The following MPHOSPH9 variants were observed in gnomAD, a reference collection of about 807,000 sequenced individuals.
The protein encoded by MPHOSPH9 is M-phase phosphoprotein 9.
Under a neutral mutation model 145.5 loss-of-function variants are expected in MPHOSPH9, and 88 were observed. The observed-to-expected ratio is 0.60, with a 90% CI of 0.51 to 0.72. MPHOSPH9 has a LOEUF of 0.72. Ranked by LOEUF, MPHOSPH9 falls within the 30% of genes least tolerant of loss-of-function variation. The pLI, the probability that MPHOSPH9 is intolerant of heterozygous loss-of-function variation, is 0.00. For missense variants in MPHOSPH9, 1,238 were observed against 1,386.6 expected, an observed-to-expected ratio of 0.89 and a Z score of 1.70; for synonymous variants, 435 against 486.2, an observed-to-expected ratio of 0.89 and a Z score of 1.39.
At chr12:123,239,426 CAG>C (rs1433141903) in intron 1 of MPHOSPH9, among the ~76,000 whole-genome samples, 4 of 151,560 alleles carry the variant, frequency 2.6e-5, no homozygotes, top group African/African-American at 4.8e-5. Context: ...TTTTTTGAGA[CAG>C]AGTTTCACTC....
chr12:123,226,834 G>A (rs1222194938), intron 3 of MPHOSPH9, among the ~76,000 whole-genome samples: 1 of 152,028 alleles, frequency 6.6e-6, no homozygotes, highest in African/African-American at 2.4e-5. Flanking sequence ...ACAGGGTCTC[G>A]CTATCTTGCC....
chr12:123,187,897 G>A (rs960065321), intron 13 of MPHOSPH9, among the ~76,000 whole-genome samples: 1 of 152,126 alleles, frequency 6.6e-6, no homozygotes, highest in African/African-American at 2.4e-5. Flanking sequence ...AGACTGAGGC[G>A]GGTGAATCAC....
At chr12:123,207,146 TAAAAAAAA>T (rs35392378) in intron 8 of MPHOSPH9, among the ~76,000 whole-genome samples, 1,318 of 114,592 alleles carry the variant, frequency 0.012, 16 homozygotes, top group Non-Finnish European at 0.017. Context: ...CTAAAGTGGT[TAAAAAAAA>T]AAAAAAAAAA....
At chr12:123,241,884 G>A (rs973102357) in intron 1 of MPHOSPH9, among the ~76,000 whole-genome samples, 6 of 152,322 alleles carry the variant, frequency 3.9e-5, no homozygotes, top group East Asian at 1.9e-4. Context: ...CATGAAGAAC[G>A]CCACTCAGTA....
intron 1 of MPHOSPH9, among the ~76,000 whole-genome samples, chr12:123,238,185 A>C (rs564246682): frequency 6.6e-6 from 1 of 152,090 alleles, no homozygotes; most frequent in Non-Finnish European, 1.5e-5. Flanking sequence ...GAGCCACCAC[A>C]CCCAGCCCCA....
At chr12:123,239,585 G>A (rs2047899042) in intron 1 of MPHOSPH9, among the ~76,000 whole-genome samples, 1 of 151,976 alleles carries the variant, frequency 6.6e-6, no homozygotes, top group East Asian at 1.9e-4. Flanking sequence ...TGTATTTTTA[G>A]TAGAGACGGG....
intron 11 of MPHOSPH9, among the ~76,000 whole-genome samples, chr12:123,199,035 T>C (rs1424053547): frequency 6.6e-6 from 1 of 151,844 alleles, no homozygotes; most frequent in Non-Finnish European, 1.5e-5. Flanking sequence ...AGACAGGATC[T>C]CACTCCATAA....
rs1169213441 is a variant in MPHOSPH9 at position 123,233,123 on chromosome 12, C to T, written c.-207G>A. ...TGTCAGGGTCATGCAAGCGGCCTCT[C>T]GCGACCGTTACCCGAGGGAGCGCGC... is the stretch of plus-strand genomic sequence containing the variant. On this transcript the variant is annotated 5_prime_UTR_variant, in exon 1 of 24. Coordinates refer to ENST00000606320, the MANE Select transcript of MPHOSPH9 (RefSeq NM_022782.4). 1 of 143,082 alleles carries T rather than the reference C, an allele frequency of 7.0e-6. No individual in the cohort carries two copies. Among genetic ancestry groups the T allele is most frequent in the Admixed American group, 7.3e-5 (1 of 13,692 alleles). The allele number at this position is 143,082 out of a possible 1,614,324, so 8.9% of individuals were successfully genotyped here.
At chr12:123,227,704 C>A (rs2047483907) in intron 2 of MPHOSPH9, 88 bp from the exon 3 acceptor site, 3 of 1,118,784 alleles carry the variant, frequency 2.7e-6, no homozygotes, top group Middle Eastern at 2.2e-4. Flanking sequence ...CAGAGCAGTA[C>A]AAAACCACTG....
At chr12:123,193,884 C>A (rs1403279198) in intron 13 of MPHOSPH9, among the ~76,000 whole-genome samples, 1 of 149,962 alleles carries the variant, frequency 6.7e-6, no homozygotes, top group Non-Finnish European at 1.5e-5. Flanking sequence ...GTGATGCCAT[C>A]GTTCTAAGTA....
chr12:123,217,443 C>A (rs1033434417), intron 6 of MPHOSPH9, among the ~76,000 whole-genome samples: 4 of 152,028 alleles, frequency 2.6e-5, no homozygotes, highest in African/African-American at 9.7e-5. Flanking sequence ...GTGATCTGCC[C>A]ACCCCGGCCT....
At chr12:123,190,976 G>A (rs2045651181) in intron 13 of MPHOSPH9, among the ~76,000 whole-genome samples, 1 of 152,108 alleles carries the variant, frequency 6.6e-6, no homozygotes, top group Non-Finnish European at 1.5e-5. Context: ...ATCCTTTGCT[G>A]CTTGATTGCT....
At chr12:123,194,043 C>A (rs1372353167) in intron 13 of MPHOSPH9, among the ~76,000 whole-genome samples, 1 of 151,862 alleles carries the variant, frequency 6.6e-6, no homozygotes, top group South Asian at 2.1e-4. Flanking sequence ...CTGAGGCGGG[C>A]GGATCACCTG....
intron 3 of MPHOSPH9, among the ~76,000 whole-genome samples, chr12:123,223,406 T>C (rs1408481724): frequency 3.3e-5 from 5 of 152,188 alleles, no homozygotes; most frequent in South Asian, 2.1e-4. Flanking sequence ...ACTAACTGCC[T>C]GCGTAAAGCC....
chr12:123,225,274 T>C (rs569770927), intron 3 of MPHOSPH9, among the ~76,000 whole-genome samples: 7,003 of 151,198 alleles, frequency 0.046, 306 homozygotes, highest in East Asian at 0.26. Flanking sequence ...CAAAACCTTG[T>C]CTCAACAAAA....
chr12:123,227,925 A>C (rs1259931780), intron 2 of MPHOSPH9, among the ~76,000 whole-genome samples: 2 of 152,204 alleles, frequency 1.3e-5, no homozygotes, highest in Non-Finnish European at 2.9e-5. Flanking sequence ...AGCTTCTCTG[A>C]TCTCAGCTAT....
At position 123,163,987 on chromosome 12, in the gene MPHOSPH9, T is replaced by C. The variant is rs775041898; in HGVS notation, c.2871A>G (p.Ser957=). The C allele has an allele frequency of 1.2e-6, 2 of 1,614,124 alleles. No individual in the cohort carries two copies. The highest frequency in any genetic ancestry group is 4.5e-5 in the East Asian group (2 of 44,870). ...ATTTACGATTTGAAGGTGGTAAAGA[T>C]GATGATCTCTGTGAGGCCGAATTAA... The part of the protein sequence containing the change: ...KRLNSASQRS[S]SLPPSNRKSS... Residue 957 remains serine (S), a synonymous_variant, in exon 19 of 24, where the codon TCA becomes TCG. Transcript: ENST00000606320.
chr12:123,229,534 T>C (rs990185692), intron 2 of MPHOSPH9, among the ~76,000 whole-genome samples: 14 of 152,248 alleles, frequency 9.2e-5, no homozygotes, highest in Non-Finnish European at 1.3e-4. Flanking sequence ...CTTAACTTCC[T>C]AATACTCAAC....
At chr12:123,198,147 C>A in intron 12 of MPHOSPH9, 100 bp downstream of exon 12, 1 of 864,826 alleles carries the variant, frequency 1.2e-6, no homozygotes. Flanking sequence ...AAAATATAAA[C>A]TTCATAAGCC....
Sources: allele counts gnomAD v4.1 joint callset (sites outside exome capture counted in the v4.1 genomes callset), GRCh38; gene constraint gnomAD v4.1.1; transcripts MANE v1.5; gene names NCBI Gene and HGNC (gene_info 2026-07-23, HGNC 2026-07-21).